THAP5: variants seen among roughly 807,000 people sequenced by gnomAD.
THAP5 encodes the protein THAP domain-containing protein 5.
In THAP5, 26 loss-of-function variants were observed where a neutral mutation model predicts 34.0. That is an observed-to-expected ratio of 0.77 (90% CI 0.56 to 1.06). THAP5 has a LOEUF of 1.06. THAP5 is among the 50% of genes least tolerant of loss of function. THAP5 has a pLI of 0.00. For synonymous variants in THAP5, 125 were observed against 153.0 expected, an observed-to-expected ratio of 0.82 and a Z score of 1.35; for missense variants, 394 against 452.8, an observed-to-expected ratio of 0.87 and a Z score of 1.18.
the THAP5 span, among the ~76,000 whole-genome samples, chr7:108,547,254 A>G: frequency 6.6e-6 from 1 of 152,208 alleles, no homozygotes; most frequent in African/African-American, 2.4e-5. Context: ...TCCGTGGTTC[A>G]GGTACATTCT....
chr7:108,564,461 G>C lies in THAP5; in HGVS notation c.918C>G (p.Ser306=). ...TEMEDTDIED[S]LYKDVDYGTE... is the part of the protein sequence containing the mutation. Reference sequence around the variant, plus strand: ...TCCCATAGTCTACATCCTTATACAAGGAGTCTTCAATGTCTGTGTCTTCCA... The same window carrying C: ...TCCCATAGTCTACATCCTTATACAACGAGTCTTCAATGTCTGTGTCTTCCA... The change falls in exon 3 of 3, where the codon TCC becomes TCG. Residue 306 remains serine (S), a synonymous_variant. Transcript: ENST00000415914. 1 of 1,613,872 alleles carries C rather than the reference G, an allele frequency of 6.2e-7. No homozygotes were observed. Among genetic ancestry groups the C allele is most frequent in the African/African-American group, 1.3e-5 (1 of 75,020 alleles).
rs1256313749 is a variant in THAP5 at position 108,569,703 on chromosome 7, G to C, written c.-134C>G. 6 of 1,199,092 alleles carry C rather than the reference G, an allele frequency of 5.0e-6. No individual in the cohort carries two copies. Among genetic ancestry groups the C allele is most frequent in the East Asian group, 2.6e-5 (1 of 39,098 alleles). 74.3% of individuals were successfully genotyped at this position (1,199,092 alleles called of 1,614,324 possible). ...AGCATTCTGCCGGGAAAGCCGCCTC[G>C]TCTGTCGACTCACTTCCGCCTCCTC... On this transcript the variant is annotated 5_prime_UTR_variant, in exon 1 of 3. Transcript: ENST00000415914.
chr7:108,569,570 G>A lies in THAP5; in HGVS notation c.-1C>T, dbSNP rs1258940346. The A allele has an allele frequency of 2.6e-6, 4 of 1,551,406 alleles. No individual in the cohort carries two copies. The highest frequency in any genetic ancestry group is 3.9e-5 in the Admixed American group (2 of 51,008). ...AAATCGCTGCGCAATAGCGGGGCAT[G>A]ACTCGGGTGAGGCCCCTGGAGACCG... is the stretch of plus-strand genomic sequence containing the variant. On this transcript the variant is annotated 5_prime_UTR_variant, in exon 1 of 3. Coordinates refer to ENST00000415914, the MANE Select transcript of THAP5 (RefSeq NM_001130475.3).
chr7:108,564,695 A>G lies in THAP5; in HGVS notation c.684T>C (p.Thr228=), dbSNP rs752307719. ...AGTTTGGATTAGCAAGATGACTGGTAGTTACTTCAAGAACTTCTTGAGTTT... is the reference window on the plus strand; with the variant it reads ...AGTTTGGATTAGCAAGATGACTGGTGGTTACTTCAAGAACTTCTTGAGTTT... ...SLETQEVLEV[T]TSHLANPNFT... The change falls in exon 3 of 3, where the codon ACT becomes ACC. Residue 228 remains threonine (T), a synonymous_variant. Coordinates refer to ENST00000415914, the MANE Select transcript of THAP5 (RefSeq NM_001130475.3). The G allele has an allele frequency of 6.2e-7, 1 of 1,613,956 alleles. No homozygotes were observed. Among genetic ancestry groups the G allele is most frequent in the Non-Finnish European group, 8.5e-7 (1 of 1,179,938 alleles).
In THAP5 at chr7:108,563,087, TATAA is replaced by T. The variant is rs1444161194; in HGVS notation, c.*1100_*1103del. Reference sequence around the variant, plus strand: ...AATTTTTGGTTTATAAGTTTAACTGTATAAATACAGAAAGTTTAGCTTAGATGAC... The same window carrying T: ...AATTTTTGGTTTATAAGTTTAACTGTATACAGAAAGTTTAGCTTAGATGAC... On this transcript the variant is annotated 3_prime_UTR_variant, in exon 3 of 3. Transcript: ENST00000415914. 1 of 152,202 alleles carries T rather than the reference TATAA, an allele frequency of 6.6e-6. No homozygotes were observed. Among genetic ancestry groups the T allele is most frequent in the Non-Finnish European group, 1.5e-5 (1 of 68,036 alleles). The allele number at this position is 152,202 out of a possible 1,614,324, so 9.4% of individuals were successfully genotyped here.
the THAP5 span, among the ~76,000 whole-genome samples, chr7:108,548,958 C>G: frequency 6.6e-6 from 1 of 152,032 alleles, no homozygotes; most frequent in Non-Finnish European, 1.5e-5. Context: ...GTTCTACAAG[C>G]CTTATTGCAA....
chr7:108,555,711 T>C (rs1327275524), intron 1 of THAP5, among the ~76,000 whole-genome samples: 1 of 150,106 alleles, frequency 6.7e-6, no homozygotes, highest in Non-Finnish European at 1.5e-5. Context: ...TCTTTTTTTT[T>C]TTTTTTTTTG....
At chr7:108,551,388 C>T (rs1864352707), downstream of THAP5, among the ~76,000 whole-genome samples, 2 of 152,192 alleles carry the variant, frequency 1.3e-5, no homozygotes, top group African/African-American at 2.4e-5. Context: ...CTCTTTCACT[C>T]TTCTGCCATA....
rs1790393584 is a variant in THAP5 at position 108,563,126 on chromosome 7, G to A, written c.*1065C>T. 6.6e-6 allele frequency: 1 copy of A among 152,132 alleles called. No individual in the cohort carries two copies. The highest frequency in any genetic ancestry group is 2.1e-4 in the South Asian group (1 of 4,824). The allele number at this position is 152,132 out of a possible 1,614,324, so 9.4% of individuals were successfully genotyped here. ...GTTTAGCTTAGATGACTATGTATTT[G>A]ATGGTTAGCCACATATAAGTTACCG... is the stretch of plus-strand genomic sequence containing the variant. On this transcript the variant is annotated 3_prime_UTR_variant, in exon 3 of 3. Transcript: ENST00000415914.
At chr7:108,566,677 G>C (rs1374729430) in intron 1 of THAP5, among the ~76,000 whole-genome samples, 1 of 152,096 alleles carries the variant, frequency 6.6e-6, no homozygotes, top group African/African-American at 2.4e-5. Context: ...GAAACTGATA[G>C]AAGAAAAGAA....
chr7:108,548,788 G>T, the THAP5 span, among the ~76,000 whole-genome samples: 1 of 152,052 alleles, frequency 6.6e-6, no homozygotes, highest in Non-Finnish European at 1.5e-5. Context: ...CCTCCCCCAT[G>T]ATTCAATTAC....
chr7:108,559,715 T>C (rs1240910460), downstream of THAP5, among the ~76,000 whole-genome samples: 1 of 152,116 alleles, frequency 6.6e-6, no homozygotes. Context: ...CTTACAATCA[T>C]AGCATAAGGG....
chr7:108,558,364 T>C (rs1864400821), downstream of THAP5, among the ~76,000 whole-genome samples: 1 of 107,336 alleles, frequency 9.3e-6, no homozygotes, highest in Non-Finnish European at 1.9e-5. Flanking sequence ...TGTATATATG[T>C]ATATGTGTGT....
At chr7:108,546,662 C>T in the THAP5 span, among the ~76,000 whole-genome samples, 2 of 152,192 alleles carry the variant, frequency 1.3e-5, no homozygotes, top group Non-Finnish European at 2.9e-5. Context: ...GCTCCATTCT[C>T]TATTCTTAAT....
chr7:108,547,376 A>G, the THAP5 span, among the ~76,000 whole-genome samples: 3 of 152,216 alleles, frequency 2.0e-5, no homozygotes, highest in African/African-American at 7.2e-5. Context: ...ATATTTAAAC[A>G]CCACACATCT....
At chr7:108,558,381 G>GTGTA (rs1321603472), downstream of THAP5, among the ~76,000 whole-genome samples, 2,371 of 93,752 alleles carry the variant, frequency 0.025, 107 homozygotes, top group Middle Eastern at 0.038. Flanking sequence ...GTGTGTGTAT[G>GTGTA]TATATATATA....
Position 108,563,872 on chromosome 7 carries a change from A to C in THAP5, c.*319T>G, listed in dbSNP as rs1385092561. 7 of 187,836 alleles carry C rather than the reference A, an allele frequency of 3.7e-5. No individual in the cohort carries two copies. The highest frequency in any genetic ancestry group is 6.6e-5 in the Non-Finnish European group (6 of 90,814). 11.6% of individuals were successfully genotyped at this position (187,836 alleles called of 1,614,324 possible). A position where few individuals can be genotyped will look rare whatever the true frequency, so the allele number is the denominator to read the frequency against. ...CAAGTCATATGCCAGTGGTAGAACC[A>C]GGACTGATTCCTGAACCTGACTTCT... On this transcript the variant is annotated 3_prime_UTR_variant, in exon 3 of 3. Transcript: ENST00000415914.
chr7:108,567,554 AT>A (rs1439056866), intron 1 of THAP5, among the ~76,000 whole-genome samples: 1 of 152,054 alleles, frequency 6.6e-6, no homozygotes, highest in African/African-American at 2.4e-5. Flanking sequence ...AGAAATCTTG[AT>A]CATGTTTCCT....
downstream of THAP5, among the ~76,000 whole-genome samples, chr7:108,558,852 CAT>C (rs1307956643): frequency 8.6e-5 from 13 of 152,030 alleles, no homozygotes; most frequent in Admixed American, 2.6e-4. Flanking sequence ...TTAGATATAA[CAT>C]GTTATTAAAA....
Sources: allele counts gnomAD v4.1 joint callset (sites outside exome capture counted in the v4.1 genomes callset), GRCh38; gene constraint gnomAD v4.1.1; transcripts MANE v1.5; gene names NCBI Gene and HGNC (gene_info 2026-07-23, HGNC 2026-07-21).